Variants in LSAMP observed in about 807,000 individuals in gnomAD.
LSAMP encodes limbic system associated membrane protein, also known as limbic system-associated membrane protein.
A neutral mutation model predicts 38.6 loss-of-function variants in LSAMP; 7 were observed. That is an observed-to-expected ratio of 0.18 (90% CI 0.10 to 0.34). The LOEUF (loss-of-function observed/expected upper bound fraction) is 0.34. Among genes scored for constraint, LSAMP ranks in the 10% least tolerant of loss-of-function variants. The probability of loss-of-function intolerance (pLI) is 1.00; values close to 1 mark genes in which losing one functional copy is unlikely to be tolerated. For synonymous variants in LSAMP, 154 were observed against 166.8 expected (o/e 0.92, Z 0.59); for missense variants, 313 against 420.0 (o/e 0.75, Z 2.23).
chr3:115,892,217 A>G (rs1006732267), intron 3 of LSAMP, among the ~76,000 whole-genome samples: 3 of 152,002 alleles, frequency 2.0e-5, no homozygotes, highest in Non-Finnish European at 2.9e-5. Context: ...ATAGCTACAT[A>G]TTTTAGAATC....
At chr3:116,118,153 A>ACCTTGTTTTC (rs2107482828) in intron 1 of LSAMP, among the ~76,000 whole-genome samples, 1 of 152,234 alleles carries the variant, frequency 6.6e-6, no homozygotes, top group African/African-American at 2.4e-5. Flanking sequence ...CAGTACAGAG[A>ACCTTGTTTTC]CCTTGTTTTC....
intron 6 of LSAMP, chr3:115,816,517 AATT>A (rs1448265445): frequency 1.5e-6 from 1 of 684,628 alleles, no homozygotes; most frequent in Non-Finnish European, 2.1e-6. Context: ...TGTTATCACA[AATT>A]ATTCCACTGA....
At chr3:115,887,672 T>C (rs1936490300) in intron 3 of LSAMP, among the ~76,000 whole-genome samples, 1 of 151,914 alleles carries the variant, frequency 6.6e-6, no homozygotes, top group African/African-American at 2.4e-5. Flanking sequence ...AGGCAGAAGC[T>C]GAGGCCACCC....
intron 1 of LSAMP, among the ~76,000 whole-genome samples, chr3:116,392,772 C>A (rs1389729006): frequency 6.6e-6 from 1 of 152,194 alleles, no homozygotes; most frequent in Non-Finnish European, 1.5e-5. Context: ...TACACTTCCT[C>A]TGAGGCTCAT....
At chr3:116,123,310 C>A (rs1708926594) in intron 1 of LSAMP, among the ~76,000 whole-genome samples, 1 of 152,156 alleles carries the variant, frequency 6.6e-6, no homozygotes, top group South Asian at 2.1e-4. Flanking sequence ...CTCCTCCAGT[C>A]GTGGGCCACA....
At chr3:116,260,883 GA>G (rs2046817657) in intron 1 of LSAMP, among the ~76,000 whole-genome samples, 1 of 152,158 alleles carries the variant, frequency 6.6e-6, no homozygotes, top group Admixed American at 6.6e-5. Context: ...GCTTTTCCTT[GA>G]GTGTTTGTTG....
At chr3:115,996,537 A>G (rs1939819348) in intron 3 of LSAMP, among the ~76,000 whole-genome samples, 1 of 152,142 alleles carries the variant, frequency 6.6e-6, no homozygotes, top group South Asian at 2.1e-4. Flanking sequence ...ATTAAAAAAA[A>G]CAAATGATGT....
chr3:116,293,693 G>A (rs1455404356), intron 1 of LSAMP, among the ~76,000 whole-genome samples: 1 of 151,986 alleles, frequency 6.6e-6, no homozygotes, highest in Non-Finnish European at 1.5e-5. Flanking sequence ...AAATATATAG[G>A]CATCAGCATA....
Position 116,041,810 on chromosome 3 carries a change from A to C in LSAMP, c.389-22170T>G, listed in dbSNP as rs757071031. 2.9e-3 allele frequency among the ~76,000 whole-genome samples: 430 copies of C among 147,628 alleles called. 2 individuals carry two copies. The highest frequency in any genetic ancestry group is 0.01 in the Middle Eastern group (3 of 290). On this transcript the variant is annotated intron_variant, in intron 2 of 6. Transcript: ENST00000490035. ...ATGAAAGCATGCAAAAAAAAACAAAACAAAACAAAAAAAAAACACCTTGAT... is the reference window on the plus strand; with the variant it reads ...ATGAAAGCATGCAAAAAAAAACAAACCAAAACAAAAAAAAAACACCTTGAT...
chr3:115,980,957 G>A (rs1034443795), intron 3 of LSAMP, among the ~76,000 whole-genome samples: 5 of 152,074 alleles, frequency 3.3e-5, no homozygotes. Context: ...GAGGTGAATT[G>A]TCGTTTCACT....
At chr3:116,279,559 A>C (rs2047099355) in intron 1 of LSAMP, among the ~76,000 whole-genome samples, 1 of 152,214 alleles carries the variant, frequency 6.6e-6, no homozygotes, top group Admixed American at 6.5e-5. Context: ...TCAAATATTG[A>C]AAAGTGGTAC....
chr3:116,252,278 C>A (rs749421203), intron 1 of LSAMP, among the ~76,000 whole-genome samples: 8 of 152,206 alleles, frequency 5.3e-5, no homozygotes, highest in Admixed American at 5.2e-4. Context: ...GCAGTGTGTA[C>A]TGTCACCACG....
chr3:116,024,285 T>C (rs2107693907), intron 2 of LSAMP, among the ~76,000 whole-genome samples: 2 of 152,274 alleles, frequency 1.3e-5, no homozygotes, highest in Middle Eastern at 3.4e-3. Flanking sequence ...GCTCAAAAAG[T>C]GCTTGAAAAA....
At chr3:116,417,920 C>T (rs2049073213) in intron 1 of LSAMP, among the ~76,000 whole-genome samples, 1 of 152,092 alleles carries the variant, frequency 6.6e-6, no homozygotes, top group Non-Finnish European at 1.5e-5. Flanking sequence ...GGCCTGCACC[C>T]TTTTACACTG....
At chr3:115,926,935 GC>G (rs1937509995) in intron 3 of LSAMP, among the ~76,000 whole-genome samples, 1 of 152,026 alleles carries the variant, frequency 6.6e-6, no homozygotes, top group Non-Finnish European at 1.5e-5. Context: ...TACAATATAG[GC>G]TCCATAAGCA....
intron 3 of LSAMP, among the ~76,000 whole-genome samples, chr3:115,864,693 C>A (rs1278725943): frequency 6.6e-6 from 1 of 152,154 alleles, no homozygotes; most frequent in Admixed American, 6.5e-5. Context: ...TCCCTAGTGT[C>A]CTCGCACCAC....
intron 3 of LSAMP, among the ~76,000 whole-genome samples, chr3:115,914,351 C>A (rs1478046991): frequency 6.6e-6 from 1 of 152,190 alleles, no homozygotes; most frequent in Non-Finnish European, 1.5e-5. Context: ...ATTTCTCATC[C>A]CGCACCACCT....
rs527770694 is a variant in LSAMP at position 116,019,504 on chromosome 3, G to C, written c.514+11C>G. 77 of 1,610,730 alleles carry C rather than the reference G, an allele frequency of 4.8e-5. No individual in the cohort carries two copies. Among genetic ancestry groups the C allele is most frequent in the Non-Finnish European group, 6.5e-5 (76 of 1,177,808 alleles). Reference sequence around the variant, plus strand: ...AGCATGTGGCATATTGGAACCTGGAGTATTGCTTACCAGTTGGTGTAAGGT... The same window carrying C: ...AGCATGTGGCATATTGGAACCTGGACTATTGCTTACCAGTTGGTGTAAGGT... On this transcript the variant is annotated intron_variant, in intron 3 of 6. Transcript: ENST00000490035.
chr3:115,816,833 TG>T (rs1299273739), intron 6 of LSAMP, among the ~76,000 whole-genome samples: 10 of 152,184 alleles, frequency 6.6e-5, no homozygotes, highest in Non-Finnish European at 1.2e-4. Flanking sequence ...ATTGTTTTGT[TG>T]GAACAAATGA....
Sources: gnomAD v4.1 joint callset for allele counts (sites outside exome capture counted in the v4.1 genomes callset) on GRCh38, gnomAD v4.1.1 for gene constraint, MANE v1.5 for transcripts, NCBI Gene and HGNC (gene_info 2026-07-23, HGNC 2026-07-21) for gene names.